Variants in RABGAP1L observed in about 807,000 individuals in gnomAD.
The protein encoded by RABGAP1L is rab GTPase-activating protein 1-like.
RABGAP1L carries 63 observed loss-of-function variants against 137.7 expected under a neutral mutation model. That is an observed-to-expected ratio of 0.46 (90% CI 0.37 to 0.56). RABGAP1L has a LOEUF of 0.56. RABGAP1L is among the 20% of genes least tolerant of loss of function. RABGAP1L has a pLI of 0.00. For missense variants in RABGAP1L, 1,095 were observed against 1,244.0 expected, an observed-to-expected ratio of 0.88 and a Z score of 1.80; for synonymous variants, 431 against 433.7, an observed-to-expected ratio of 0.99 and a Z score of 0.08.
intron 18 of RABGAP1L, among the ~76,000 whole-genome samples, chr1:174,793,752 G>C (rs1688036898): frequency 1.3e-5 from 2 of 151,830 alleles, no homozygotes; most frequent in South Asian, 4.1e-4. Context: ...CTGGAGTGCA[G>C]TGTCATGATC....
At chr1:174,776,555 T>C (rs985669671) in intron 18 of RABGAP1L, among the ~76,000 whole-genome samples, 4 of 152,230 alleles carry the variant, frequency 2.6e-5, no homozygotes, top group Non-Finnish European at 5.9e-5. Flanking sequence ...AATAATTCTC[T>C]GAATACTTTT....
At chr1:174,210,792 A>G (rs1341362686) in intron 1 of RABGAP1L, among the ~76,000 whole-genome samples, 1 of 152,186 alleles carries the variant, frequency 6.6e-6, no homozygotes, top group Non-Finnish European at 1.5e-5. Context: ...CTGCCTCAAG[A>G]CATTTAATAA....
chr1:174,352,241 T>C (rs1229841424), intron 11 of RABGAP1L, among the ~76,000 whole-genome samples: 1 of 152,184 alleles, frequency 6.6e-6, no homozygotes, highest in Non-Finnish European at 1.5e-5. Context: ...GTAGTTATGG[T>C]GCATTCTTTT....
chr1:174,936,217 A>C (rs1304184858), intron 19 of RABGAP1L, among the ~76,000 whole-genome samples: 2 of 151,990 alleles, frequency 1.3e-5, no homozygotes, highest in Admixed American at 1.3e-4. Context: ...GTAATCTCAC[A>C]ACTTTGAAAG....
intron 20 of RABGAP1L, among the ~76,000 whole-genome samples, chr1:174,962,195 CA>C (rs1164280711): frequency 0.08 from 4,061 of 50,546 alleles, 936 homozygotes; most frequent in African/African-American, 0.33. Flanking sequence ...AATAAAAATA[CA>C]CCCCCCCCCC....
At position 174,345,654 on chromosome 1, in the gene RABGAP1L, T is replaced by C. The variant is rs1209006315; in HGVS notation, c.1466-25325T>C. On this transcript the variant is annotated intron_variant, in intron 11 of 25. Coordinates refer to ENST00000681986, the MANE Select transcript of RABGAP1L (RefSeq NM_001366446.1). ...TGAATAGTTTTTTTGGTAGAGTCTT[T>C]AGTTTTTCCAAATATAAGATCGTAT... 2.0e-5 allele frequency among the ~76,000 whole-genome samples: 3 copies of C among 152,334 alleles called. No individual in the cohort carries two copies. The East Asian group carries it at 5.8e-4, about 29-fold the overall frequency.
intron 13 of RABGAP1L, among the ~76,000 whole-genome samples, chr1:174,605,759 C>T (rs140634193): frequency 0.016 from 2,404 of 152,272 alleles, 24 homozygotes; most frequent in Non-Finnish European, 0.024. Context: ...AATTAGAGCA[C>T]AAACAAGATA....
chr1:174,685,379 A>G (rs1396249619), intron 15 of RABGAP1L, among the ~76,000 whole-genome samples: 3 of 151,852 alleles, frequency 2.0e-5, no homozygotes, highest in Admixed American at 6.6e-5. Flanking sequence ...CAGCCTTCCC[A>G]GTAGCTGGGA....
intron 18 of RABGAP1L, chr1:174,800,406 A>G: frequency 2.6e-6 from 4 of 1,550,796 alleles, no homozygotes; most frequent in Non-Finnish European, 3.5e-6. Context: ...CAGGACATGC[A>G]CGACGAGAGG....
chr1:174,614,882 C>T (rs1316223167), intron 13 of RABGAP1L, among the ~76,000 whole-genome samples: 1 of 152,214 alleles, frequency 6.6e-6, no homozygotes, highest in South Asian at 2.1e-4. Flanking sequence ...GCTCCTGAGG[C>T]TTCTGCATTC....
intron 12 of RABGAP1L, among the ~76,000 whole-genome samples, chr1:174,384,462 A>T (rs1686563898): frequency 6.6e-6 from 1 of 152,080 alleles, no homozygotes; most frequent in Non-Finnish European, 1.5e-5. Context: ...AAAAGCCCTG[A>T]GTTTTAACTG....
At chr1:174,632,766 G>A (rs925799699) in intron 13 of RABGAP1L, among the ~76,000 whole-genome samples, 4 of 142,642 alleles carry the variant, frequency 2.8e-5, no homozygotes, top group Admixed American at 7.0e-5. Context: ...GCACTTCTCT[G>A]TATTGGTTAT....
Position 174,559,079 on chromosome 1 carries a change from G to A in RABGAP1L, c.1711-78296G>A, listed in dbSNP as rs74691317. On this transcript the variant is annotated intron_variant, in intron 13 of 25. Transcript: ENST00000681986. ...ATCCTTTCCAGAAAAGGGGCATCTAGTCAGTCATCCTTTCCAAGCTATGCT... is the reference window on the plus strand; with the variant it reads ...ATCCTTTCCAGAAAAGGGGCATCTAATCAGTCATCCTTTCCAAGCTATGCT... Among the ~76,000 whole-genome samples the A allele has an allele frequency of 1.2e-3, 183 of 152,264 alleles. 6 individuals are homozygous for A. The East Asian group carries it at 0.031, about 26-fold the overall frequency.
intron 11 of RABGAP1L, among the ~76,000 whole-genome samples, chr1:174,331,568 A>G (rs554236404): frequency 3.9e-4 from 59 of 152,380 alleles, no homozygotes; most frequent in Middle Eastern, 3.4e-3. Flanking sequence ...AATGCAAATC[A>G]AAACCATAAT....
intron 17 of RABGAP1L, among the ~76,000 whole-genome samples, chr1:174,708,668 G>A (rs749857858): frequency 1.2e-4 from 18 of 152,142 alleles, no homozygotes; most frequent in African/African-American, 2.4e-4. Context: ...AGATTCCCTC[G>A]GGTGCCTGCA....
intron 13 of RABGAP1L, among the ~76,000 whole-genome samples, chr1:174,612,734 G>T (rs924877503): frequency 2.0e-4 from 31 of 152,218 alleles, no homozygotes; most frequent in Non-Finnish European, 3.2e-4. Context: ...CAATTTCAGA[G>T]CCTGTTATTG....
intron 13 of RABGAP1L, among the ~76,000 whole-genome samples, chr1:174,518,214 C>T (rs945860916): frequency 3.5e-4 from 53 of 152,194 alleles, no homozygotes; most frequent in African/African-American, 1.2e-3. Flanking sequence ...TAAATTACTG[C>T]CCAGGTGTTT....
At chr1:174,349,066 C>A (rs1266536340) in intron 11 of RABGAP1L, among the ~76,000 whole-genome samples, 2 of 149,628 alleles carry the variant, frequency 1.3e-5, no homozygotes, top group African/African-American at 2.4e-5. Flanking sequence ...TGACCCCCCC[C>A]ACCTCCCTCC....
chr1:174,175,430 A>G (rs1665753505), intron 1 of RABGAP1L, among the ~76,000 whole-genome samples: 1 of 151,512 alleles, frequency 6.6e-6, no homozygotes, highest in African/African-American at 2.4e-5. Flanking sequence ...CTTTGTTGTC[A>G]TACTAATCAC....
Sources: gnomAD v4.1 joint callset for allele counts (sites outside exome capture counted in the v4.1 genomes callset) on GRCh38, gnomAD v4.1.1 for gene constraint, MANE v1.5 for transcripts, NCBI Gene and HGNC (gene_info 2026-07-23, HGNC 2026-07-21) for gene names.